Variants in ZCWPW2 observed in about 807,000 individuals in gnomAD.
ZCWPW2 encodes zinc finger CW-type PWWP domain protein 2.
In ZCWPW2, 45 loss-of-function variants were observed where a neutral mutation model predicts 46.6. The observed-to-expected ratio is 0.96, with a 90% confidence interval of 0.76 to 1.24. ZCWPW2 has a LOEUF of 1.24. Among genes scored for constraint, ZCWPW2 ranks in the 50% most tolerant of loss-of-function variants. The pLI, the probability that ZCWPW2 is intolerant of heterozygous loss-of-function variation, is 0.00. For synonymous variants in ZCWPW2, 152 were observed against 137.1 expected, an observed-to-expected ratio of 1.11 and a Z score of -0.76; for missense variants, 429 against 403.9, an observed-to-expected ratio of 1.06 and a Z score of -0.53.
intron 4 of ZCWPW2, among the ~76,000 whole-genome samples, chr3:28,456,807 C>T (rs1314693384): frequency 2.0e-5 from 3 of 152,150 alleles, no homozygotes; most frequent in African/African-American, 4.8e-5. Flanking sequence ...AACGTTGCAT[C>T]CTGGGGATGA....
rs1423189049 is a variant in ZCWPW2 at position 28,397,785 on chromosome 3, C to T, written c.-14+7168C>T. ...CTTTTTATTTAGCTTATGAATGTCACTTAAAGCTATACATACCTATAATAA... is the reference window on the plus strand; with the variant it reads ...CTTTTTATTTAGCTTATGAATGTCATTTAAAGCTATACATACCTATAATAA... On this transcript the variant is annotated intron_variant, in intron 2 of 9. Coordinates refer to ENST00000383768, the MANE Select transcript of ZCWPW2 (RefSeq NM_001040432.4). 5.3e-5 allele frequency among the ~76,000 whole-genome samples: 8 copies of T among 152,322 alleles called. No individual in the cohort carries two copies. In the East Asian group the frequency reaches 1.5e-3, roughly 29 times the overall value.
intron 1 of ZCWPW2, among the ~76,000 whole-genome samples, chr3:28,369,981 G>T (rs1487558226): frequency 1.3e-5 from 2 of 152,222 alleles, no homozygotes; most frequent in African/African-American, 4.8e-5. Flanking sequence ...ATCTCCTGGT[G>T]TGCTGTTTGC....
At chr3:28,459,004 ATTTG>A (rs1440714753) in intron 4 of ZCWPW2, among the ~76,000 whole-genome samples, 1 of 151,874 alleles carries the variant, frequency 6.6e-6, no homozygotes. Context: ...GTTTGTTTAT[ATTTG>A]TTTGTTTTGA....
intron 6 of ZCWPW2, among the ~76,000 whole-genome samples, chr3:28,495,924 A>G (rs897731894): frequency 6.6e-6 from 1 of 152,020 alleles, no homozygotes; most frequent in Admixed American, 6.6e-5. Context: ...GGCTGTGTAA[A>G]ACAACTGTCC....
intron 2 of ZCWPW2, among the ~76,000 whole-genome samples, chr3:28,406,480 T>G (rs1002604298): frequency 1.3e-5 from 2 of 152,222 alleles, no homozygotes; most frequent in Non-Finnish European, 2.9e-5. Flanking sequence ...TTATCAAGTC[T>G]ATTCATGTAG....
intron 2 of ZCWPW2, among the ~76,000 whole-genome samples, chr3:28,392,378 A>G (rs1171365831): frequency 2.0e-5 from 3 of 152,202 alleles, no homozygotes; most frequent in Admixed American, 6.5e-5. Flanking sequence ...AGGGAATTTC[A>G]GTACCCCACT....
intron 1 of ZCWPW2, among the ~76,000 whole-genome samples, chr3:28,381,191 CT>C (rs1695093262): frequency 6.7e-6 from 1 of 149,460 alleles, no homozygotes; most frequent in Non-Finnish European, 1.5e-5. Flanking sequence ...CTCATTTGTC[CT>C]CCTCAAAGTT....
In ZCWPW2 at chr3:28,433,523, C is replaced by T. The variant is rs138333644; in HGVS notation, c.333-1587C>T. Reference sequence around the variant, plus strand: ...GGCTCATGCCTGTAATCCCAGCACTCTGGGAGGCCAAGGCGGGCGGATCAC... The same window carrying T: ...GGCTCATGCCTGTAATCCCAGCACTTTGGGAGGCCAAGGCGGGCGGATCAC... On this transcript the variant is annotated intron_variant, in intron 3 of 9. Transcript: ENST00000383768. Among the ~76,000 whole-genome samples, 387 of 152,168 alleles carry T rather than the reference C, an allele frequency of 2.5e-3. 1 individual carries two copies. Among genetic ancestry groups the T allele is most frequent in the African/African-American group, 8.5e-3 (351 of 41,524 alleles).
Position 28,484,101 on chromosome 3 carries a change from C to T in ZCWPW2, c.610+5170C>T, listed in dbSNP as rs141386827. The stretch of plus-strand genomic sequence containing the variant: ...TAGTTTGTTACCATTAAATATGATA[C>T]TAGCTTTAGATATTTTGTAAATGCT... On this transcript the variant is annotated intron_variant, in intron 5 of 9. Coordinates refer to ENST00000383768, the MANE Select transcript of ZCWPW2 (RefSeq NM_001040432.4). Among the ~76,000 whole-genome samples, 675 of 152,014 alleles carry T rather than the reference C, an allele frequency of 4.4e-3. 4 individuals are homozygous for T. The highest frequency in any genetic ancestry group is 0.015 in the African/African-American group (621 of 41,510).
At chr3:28,457,837 TAC>T (rs148563540) in intron 4 of ZCWPW2, among the ~76,000 whole-genome samples, 107 of 152,350 alleles carry the variant, frequency 7.0e-4, no homozygotes, top group Non-Finnish European at 1.2e-3. Flanking sequence ...CTTTAAACTG[TAC>T]ACAGTGTTTT....
At chr3:28,439,469 C>A (rs568226705) in intron 4 of ZCWPW2, among the ~76,000 whole-genome samples, 31 of 152,042 alleles carry the variant, frequency 2.0e-4, no homozygotes, top group Non-Finnish European at 3.8e-4. Context: ...TGTTAATCTC[C>A]TTTGGCAACA....
intron 3 of ZCWPW2, among the ~76,000 whole-genome samples, chr3:28,430,937 A>T (rs1697229889): frequency 6.6e-6 from 1 of 152,144 alleles, no homozygotes; most frequent in Non-Finnish European, 1.5e-5. Flanking sequence ...TTCCTTTATA[A>T]ATTACCCAGT....
At chr3:28,475,728 CTGGAGTATGCTTTCCA>C (rs991980270) in intron 4 of ZCWPW2, among the ~76,000 whole-genome samples, 2 of 152,064 alleles carry the variant, frequency 1.3e-5, no homozygotes, top group African/African-American at 4.8e-5. Flanking sequence ...TTTTCTCTGC[CTGGAGTATGCTTTCCA>C]TGGATTTATA....
At chr3:28,491,275 C>G (rs1427117913) in intron 5 of ZCWPW2, among the ~76,000 whole-genome samples, 1 of 152,040 alleles carries the variant, frequency 6.6e-6, no homozygotes, top group Non-Finnish European at 1.5e-5. Context: ...ATGTAACCAC[C>G]AGGTTGTAGG....
intron 3 of ZCWPW2, among the ~76,000 whole-genome samples, chr3:28,421,836 G>GTA (rs1199144002): frequency 8.9e-6 from 1 of 112,732 alleles, no homozygotes; most frequent in Non-Finnish European, 2.0e-5. Context: ...AGAATAGTTT[G>GTA]TGTGTGTGTG....
intron 6 of ZCWPW2, among the ~76,000 whole-genome samples, chr3:28,511,962 A>G (rs1438230222): frequency 1.3e-5 from 2 of 152,170 alleles, no homozygotes; most frequent in South Asian, 4.1e-4. Flanking sequence ...CAACAATCAC[A>G]AAAAGCAGAG....
chr3:28,460,952 T>G (rs1452116318), intron 4 of ZCWPW2: 1 of 254,908 alleles, frequency 3.9e-6, no homozygotes, highest in Non-Finnish European at 8.9e-6. Context: ...AGGATAATAA[T>G]TTTTTATTTC....
At chr3:28,501,460 G>A (rs1700140899) in intron 6 of ZCWPW2, among the ~76,000 whole-genome samples, 1 of 152,092 alleles carries the variant, frequency 6.6e-6, no homozygotes, top group Non-Finnish European at 1.5e-5. Context: ...TGGATTATTG[G>A]AGCCTAGTGC....
rs149314969 is a variant in ZCWPW2 at position 28,398,491 on chromosome 3, A to T, written c.-14+7874A>T. Among the ~76,000 whole-genome samples the T allele has an allele frequency of 4.3e-3, 661 of 152,298 alleles. 9 individuals carry two copies. The highest frequency in any genetic ancestry group is 0.015 in the African/African-American group (624 of 41,552). ...GATAGAACAGTGTGCGGAGGCTCAC[A>T]TCATGAATTTTTGATCCAGAACGAC... On this transcript the variant is annotated intron_variant, in intron 2 of 9. Coordinates refer to ENST00000383768, the MANE Select transcript of ZCWPW2 (RefSeq NM_001040432.4).
Sources: gnomAD v4.1 joint callset for allele counts (sites outside exome capture counted in the v4.1 genomes callset) on GRCh38, gnomAD v4.1.1 for gene constraint, MANE v1.5 for transcripts, NCBI Gene and HGNC (gene_info 2026-07-23, HGNC 2026-07-21) for gene names.